The following PDE10A variants were observed in gnomAD, a reference collection of about 807,000 sequenced individuals.
PDE10A encodes the protein cAMP and cAMP-inhibited cGMP 3',5'-cyclic phosphodiesterase 10A.
PDE10A carries 39 observed loss-of-function variants against 97.7 expected under a neutral mutation model. The observed-to-expected ratio is 0.40, with a 90% CI of 0.31 to 0.52. The LOEUF is 0.52. PDE10A is among the 20% of genes least tolerant of loss of function. PDE10A has a pLI of 0.56. For missense variants in PDE10A, 731 were observed against 1,047.8 expected (o/e 0.70, Z 4.17); for synonymous variants, 371 against 376.8 (o/e 0.98, Z 0.18).
intron 1 of PDE10A, among the ~76,000 whole-genome samples, chr6:165,554,703 A>G (rs1784168088): frequency 6.6e-6 from 1 of 152,182 alleles, no homozygotes; most frequent in South Asian, 2.1e-4. Flanking sequence ...TCGATGAGAT[A>G]CCTGAACTCC....
chr6:165,866,114 C>T (rs1015515635), intron 1 of PDE10A, among the ~76,000 whole-genome samples: 2 of 151,904 alleles, frequency 1.3e-5, no homozygotes, highest in Non-Finnish European at 2.9e-5. Flanking sequence ...GGTTTAAATC[C>T]CCCAATTAAG....
intron 1 of PDE10A, among the ~76,000 whole-genome samples, chr6:165,796,694 TA>T (rs1778841524): frequency 6.6e-6 from 1 of 152,240 alleles, no homozygotes; most frequent in African/African-American, 2.4e-5. Context: ...CCCATATATC[TA>T]TTATTCAAGC....
chr6:165,608,074 G>GCATATATATACATGTATATA (rs1394356516), intron 1 of PDE10A, among the ~76,000 whole-genome samples: 2 of 136,266 alleles, frequency 1.5e-5, no homozygotes, highest in African/African-American at 6.8e-5. Flanking sequence ...ATATATATAT[G>GCATATATATACATGTATATA]TATATATGTA....
At chr6:165,581,281 A>G (rs932362588) in intron 1 of PDE10A, among the ~76,000 whole-genome samples, 3 of 152,170 alleles carry the variant, frequency 2.0e-5, no homozygotes, top group African/African-American at 2.4e-5. Context: ...CCCAAAATTC[A>G]TATGTTGAAG....
intron 1 of PDE10A, chr6:165,948,324 G>T (rs1297948015): frequency 1.3e-5 from 2 of 152,218 alleles, no homozygotes; most frequent in Non-Finnish European, 2.9e-5. Context: ...CTCTGTCAAT[G>T]GAGAACAAGA....
intron 1 of PDE10A, among the ~76,000 whole-genome samples, chr6:165,837,685 T>TTTG (rs1562761254): frequency 1.2e-5 from 1 of 86,568 alleles, no homozygotes; most frequent in Admixed American, 1.2e-4. Context: ...TTTTTTTTTT[T>TTTG]GGGGCAGGAG....
At chr6:165,944,384 T>G (rs1205693399) in intron 1 of PDE10A, among the ~76,000 whole-genome samples, 1 of 152,236 alleles carries the variant, frequency 6.6e-6, no homozygotes, top group Non-Finnish European at 1.5e-5. Flanking sequence ...TCTTGGGAAC[T>G]CTTTGGTTCC....
chr6:165,413,838 G>A (rs2128227898), intron 12 of PDE10A, 151 bp from the exon 13 acceptor site: 1 of 596,402 alleles, frequency 1.7e-6, no homozygotes, highest in Non-Finnish European at 3.0e-6. Flanking sequence ...CTACATTCAG[G>A]GACAGTAACA....
At chr6:165,843,063 C>T (rs113702289) in intron 1 of PDE10A, among the ~76,000 whole-genome samples, 5 of 152,312 alleles carry the variant, frequency 3.3e-5, no homozygotes, top group African/African-American at 1.2e-4. Context: ...ACTGTGAGGC[C>T]CCGCTGTGCT....
Position 165,987,131 on chromosome 6 carries a change from G to T in PDE10A, c.-615+398C>A, listed in dbSNP as rs576256032. 7.9e-5 allele frequency among the ~76,000 whole-genome samples: 12 copies of T among 152,270 alleles called. No individual in the cohort carries two copies. The East Asian group carries it at 2.3e-3, about 30-fold the overall frequency. On this transcript the variant is annotated intron_variant, in intron 1 of 19. Coordinates refer to the PDE10A transcript ENST00000366882. Reference sequence around the variant, plus strand: ...CAGGCCGCCTCGGGAGGCACCTGCGGGTCTGGCGCGGCAGCCGCTGCGGTT... The same window carrying T: ...CAGGCCGCCTCGGGAGGCACCTGCGTGTCTGGCGCGGCAGCCGCTGCGGTT...
intron 2 of PDE10A, among the ~76,000 whole-genome samples, chr6:165,523,558 C>T (rs1782257468): frequency 6.6e-6 from 1 of 152,058 alleles, no homozygotes; most frequent in African/African-American, 2.4e-5. Flanking sequence ...TATTAACTGG[C>T]TAGCTATATG....
At chr6:165,414,167 C>T (rs752797121) in intron 12 of PDE10A, among the ~76,000 whole-genome samples, 4 of 152,316 alleles carry the variant, frequency 2.6e-5, no homozygotes, top group Middle Eastern at 3.4e-3. Flanking sequence ...TCAGCCCTCT[C>T]CTGTTTATAA....
intron 1 of PDE10A, among the ~76,000 whole-genome samples, chr6:165,650,062 G>A (rs1789600839): frequency 6.6e-6 from 1 of 152,074 alleles, no homozygotes; most frequent in South Asian, 2.1e-4. Context: ...TGACATTTTG[G>A]GATCTTGTGT....
At chr6:165,352,744 G>A (rs1298236384) in intron 18 of PDE10A, among the ~76,000 whole-genome samples, 1 of 151,480 alleles carries the variant, frequency 6.6e-6, no homozygotes, top group African/African-American at 2.4e-5. Context: ...ACACAAAACT[G>A]TAACACAGAT....
chr6:165,348,711 T>C (rs1381637825), intron 18 of PDE10A, among the ~76,000 whole-genome samples: 1 of 152,178 alleles, frequency 6.6e-6, no homozygotes, highest in Non-Finnish European at 1.5e-5. Context: ...TCATCTTGAA[T>C]TGTAGTTCCC....
At chr6:165,719,353 G>A (rs886277849) in intron 1 of PDE10A, among the ~76,000 whole-genome samples, 1 of 152,196 alleles carries the variant, frequency 6.6e-6, no homozygotes, top group African/African-American at 2.4e-5. Flanking sequence ...AGAGTGCCCA[G>A]AGAGGGAAAG....
At chr6:165,905,989 T>C in intron 1 of PDE10A, among the ~76,000 whole-genome samples, 3 of 55,072 alleles carry the variant, frequency 5.4e-5, no homozygotes, top group Admixed American at 1.9e-4. Context: ...TTCTCCTTCC[T>C]TCCTTCCTTC....
At chr6:165,443,604 T>G (rs955543319) in intron 5 of PDE10A, among the ~76,000 whole-genome samples, 24 of 152,228 alleles carry the variant, frequency 1.6e-4, no homozygotes, top group African/African-American at 5.8e-4. Context: ...GGGGACTCTG[T>G]GTGGGGGACC....
intron 2 of PDE10A, among the ~76,000 whole-genome samples, chr6:165,521,175 G>C (rs181465125): frequency 5.3e-5 from 8 of 152,222 alleles, no homozygotes; most frequent in African/African-American, 1.7e-4. Flanking sequence ...TGTTTGGAGA[G>C]CTACAAACCA....
Sources: gnomAD v4.1 joint callset for allele counts (sites outside exome capture counted in the v4.1 genomes callset) on GRCh38, gnomAD v4.1.1 for gene constraint, MANE v1.5 for transcripts, NCBI Gene and HGNC (gene_info 2026-07-23, HGNC 2026-07-21) for gene names.